Variants in NKAIN2 observed in about 807,000 individuals in gnomAD.
The protein encoded by NKAIN2 is sodium/potassium-transporting ATPase subunit beta-1-interacting protein 2.
Under a neutral mutation model 32.6 loss-of-function variants are expected in NKAIN2, and 14 were observed. The ratio of observed to expected loss-of-function variants is 0.43; its 90% CI spans 0.28 to 0.67. NKAIN2 has a LOEUF of 0.67. Ranked by LOEUF, NKAIN2 falls within the 30% of genes least tolerant of loss-of-function variation. NKAIN2 has a pLI of 0.17. For synonymous variants in NKAIN2, 80 were observed against 87.2 expected, an observed-to-expected ratio of 0.92 and a Z score of 0.46; for missense variants, 198 against 258.3, an observed-to-expected ratio of 0.77 and a Z score of 1.60.
intron 1 of NKAIN2, among the ~76,000 whole-genome samples, chr6:123,995,356 T>C (rs1324630109): frequency 1.3e-5 from 2 of 152,154 alleles, no homozygotes; most frequent in Admixed American, 1.3e-4. Flanking sequence ...ATGGAATCCC[T>C]TTTTCATGGT....
intron 4 of NKAIN2, among the ~76,000 whole-genome samples, chr6:124,727,003 G>C (rs1476829190): frequency 6.6e-6 from 1 of 150,984 alleles, no homozygotes; most frequent in African/African-American, 2.4e-5. Context: ...GGGAAGTTTA[G>C]AGAAAAAAGA....
chr6:123,881,717 A>G (rs937970959), intron 1 of NKAIN2, among the ~76,000 whole-genome samples: 1 of 152,206 alleles, frequency 6.6e-6, no homozygotes, highest in Admixed American at 6.5e-5. Context: ...AAAGCATGAA[A>G]TCATATTAGG....
At chr6:124,008,227 G>A (rs1013350117) in intron 1 of NKAIN2, among the ~76,000 whole-genome samples, 3 of 152,144 alleles carry the variant, frequency 2.0e-5, no homozygotes, top group Non-Finnish European at 4.4e-5. Flanking sequence ...GTGATCTTTT[G>A]TCTTGCCTTT....
At chr6:124,812,985 A>G (rs557059023) in intron 5 of NKAIN2, among the ~76,000 whole-genome samples, 4 of 151,704 alleles carry the variant, frequency 2.6e-5, no homozygotes, top group Non-Finnish European at 5.9e-5. Context: ...TTACACAGAC[A>G]ATATGCCAAG....
intron 3 of NKAIN2, among the ~76,000 whole-genome samples, chr6:124,594,464 TAAGTG>T (rs1357407450): frequency 6.6e-6 from 1 of 152,148 alleles, no homozygotes; most frequent in Non-Finnish European, 1.5e-5. Flanking sequence ...TTCAATATAA[TAAGTG>T]AAGTTCAATT....
intron 1 of NKAIN2, among the ~76,000 whole-genome samples, chr6:123,960,880 C>G (rs924724236): frequency 6.6e-6 from 1 of 151,596 alleles, no homozygotes; most frequent in Admixed American, 6.6e-5. Flanking sequence ...TACTTTTTTT[C>G]GGGGATTAGC....
chr6:124,447,159 C>T (rs912711722), intron 3 of NKAIN2, among the ~76,000 whole-genome samples: 70 of 152,134 alleles, frequency 4.6e-4, no homozygotes, highest in African/African-American at 1.7e-3. Context: ...TCATGTTTGA[C>T]GTATTTCCTT....
chr6:124,566,073 A>AT lies in NKAIN2; in HGVS notation c.274-92113_274-92112insT, dbSNP rs145641727. Reference sequence around the variant, plus strand: ...TGAAATGCTAACCACCACTGGAAAGAGATTTGCACCAATTCCGATTACCTC... The same window carrying AT: ...TGAAATGCTAACCACCACTGGAAAGATGATTTGCACCAATTCCGATTACCTC... On this transcript the variant is annotated intron_variant, in intron 3 of 6. Transcript: ENST00000368417. Among the ~76,000 whole-genome samples, 786 of 152,244 alleles carry AT rather than the reference A, an allele frequency of 5.2e-3. 3 individuals carry two copies. Among genetic ancestry groups the AT allele is most frequent in the African/African-American group, 0.018 (752 of 41,546 alleles).
chr6:124,337,982 CTA>C (rs1797951174), intron 2 of NKAIN2, among the ~76,000 whole-genome samples: 1 of 152,078 alleles, frequency 6.6e-6, no homozygotes, highest in Non-Finnish European at 1.5e-5. Flanking sequence ...GTATCATTGT[CTA>C]TGAGTGCTAT....
At chr6:124,588,386 G>GA (rs1415272945) in intron 3 of NKAIN2, among the ~76,000 whole-genome samples, 1 of 151,978 alleles carries the variant, frequency 6.6e-6, no homozygotes, top group Non-Finnish European at 1.5e-5. Flanking sequence ...ACTAGAACCT[G>GA]AAAAAATTGA....
At chr6:124,278,748 C>T (rs2114906940) in intron 1 of NKAIN2, among the ~76,000 whole-genome samples, 1 of 136,144 alleles carries the variant, frequency 7.3e-6, no homozygotes, top group South Asian at 2.4e-4. Flanking sequence ...ATTAATAAAA[C>T]CTGTTATATA....
intron 4 of NKAIN2, among the ~76,000 whole-genome samples, chr6:124,688,168 T>C (rs149135796): frequency 6.6e-6 from 1 of 152,264 alleles, no homozygotes; most frequent in East Asian, 1.9e-4. Flanking sequence ...TTAACAAATA[T>C]AACAGTATAA....
intron 1 of NKAIN2, among the ~76,000 whole-genome samples, chr6:124,261,007 G>A (rs1311649374): frequency 6.6e-6 from 1 of 152,112 alleles, no homozygotes; most frequent in Non-Finnish European, 1.5e-5. Context: ...AACTAGAGAG[G>A]ACTGCCCGCA....
intron 3 of NKAIN2, among the ~76,000 whole-genome samples, chr6:124,383,452 C>T (rs1163489919): frequency 6.6e-6 from 1 of 152,114 alleles, no homozygotes; most frequent in African/African-American, 2.4e-5. Context: ...TATATAAGGC[C>T]TGGCACAATT....
chr6:124,174,872 T>A (rs1789078536), intron 1 of NKAIN2, among the ~76,000 whole-genome samples: 1 of 152,146 alleles, frequency 6.6e-6, no homozygotes, highest in South Asian at 2.1e-4. Flanking sequence ...GCAGTTGACT[T>A]ATATATCTCT....
chr6:124,703,997 C>T (rs1774926576), intron 4 of NKAIN2, among the ~76,000 whole-genome samples: 1 of 151,572 alleles, frequency 6.6e-6, no homozygotes, highest in African/African-American at 2.4e-5. Context: ...ATTTATGGTA[C>T]CGAAGAGTAG....
chr6:124,802,826 G>A (rs1780325006), intron 5 of NKAIN2, among the ~76,000 whole-genome samples: 1 of 152,168 alleles, frequency 6.6e-6, no homozygotes, highest in Admixed American at 6.5e-5. Context: ...CCCTCCACCT[G>A]AACCTATGTT....
At chr6:124,816,185 A>T (rs1050849372) in intron 5 of NKAIN2, among the ~76,000 whole-genome samples, 2 of 152,174 alleles carry the variant, frequency 1.3e-5, no homozygotes, top group Non-Finnish European at 2.9e-5. Context: ...GCCAGCCAGA[A>T]AGGGCTACAT....
At chr6:123,891,544 A>G (rs1404146551) in intron 1 of NKAIN2, among the ~76,000 whole-genome samples, 1 of 152,172 alleles carries the variant, frequency 6.6e-6, no homozygotes. Flanking sequence ...TTAGTGCTCT[A>G]ACTTCCAAAG....
Sources: allele counts gnomAD v4.1 joint callset (sites outside exome capture counted in the v4.1 genomes callset), GRCh38; gene constraint gnomAD v4.1.1; transcripts MANE v1.5; gene names NCBI Gene and HGNC (gene_info 2026-07-23, HGNC 2026-07-21).